Variants in PLCB4 observed in about 807,000 individuals in gnomAD.
The protein encoded by PLCB4 is 1-phosphatidylinositol 4,5-bisphosphate phosphodiesterase beta-4.
PLCB4 carries 77 observed loss-of-function variants against 178.8 expected under a neutral mutation model. The observed-to-expected ratio is 0.43, with a 90% confidence interval of 0.36 to 0.52. The LOEUF is 0.52. PLCB4 is among the 20% of genes least tolerant of loss of function. PLCB4 has a pLI of 0.00. For missense variants in PLCB4, 1,024 were observed against 1,453.4 expected, an observed-to-expected ratio of 0.70 and a Z score of 4.80; for synonymous variants, 496 against 490.8, an observed-to-expected ratio of 1.01 and a Z score of -0.14.
chr20:9,333,653 A>G (rs1358838200), intron 4 of PLCB4, among the ~76,000 whole-genome samples: 2 of 152,184 alleles, frequency 1.3e-5, no homozygotes, highest in Admixed American at 6.6e-5. Context: ...TAAAGAATCA[A>G]TCTGGCTCCT....
At chr20:9,149,968 A>G (rs1212153508) in intron 2 of PLCB4, among the ~76,000 whole-genome samples, 1 of 152,156 alleles carries the variant, frequency 6.6e-6, no homozygotes, top group East Asian at 1.9e-4. Context: ...TTATTCACTG[A>G]TGTTGACCAT....
At chr20:9,136,392 C>T (rs1050032395) in intron 2 of PLCB4, among the ~76,000 whole-genome samples, 4 of 152,046 alleles carry the variant, frequency 2.6e-5, no homozygotes, top group African/African-American at 9.7e-5. Context: ...CTCCTCTGTG[C>T]TGGGGCCCTT....
intron 25 of PLCB4, among the ~76,000 whole-genome samples, chr20:9,414,412 C>T (rs532270167): frequency 3.3e-5 from 5 of 152,298 alleles, no homozygotes; most frequent in South Asian, 2.1e-4. Context: ...CACTGGTGCT[C>T]GGGCACTGCA....
At chr20:9,231,460 T>A (rs2093931264) in intron 3 of PLCB4, among the ~76,000 whole-genome samples, 1 of 152,146 alleles carries the variant, frequency 6.6e-6, no homozygotes, top group Non-Finnish European at 1.5e-5. Flanking sequence ...CTTCTTGCTG[T>A]ATTCACTAGT....
At chr20:9,200,127 T>G (rs2093524402) in intron 2 of PLCB4, among the ~76,000 whole-genome samples, 1 of 149,906 alleles carries the variant, frequency 6.7e-6, no homozygotes, top group Admixed American at 6.7e-5. Flanking sequence ...TTTTTCACTC[T>G]TGACTCTCAA....
rs528956980 is a variant in PLCB4 at position 9,266,585 on chromosome 20, A to T, written c.-15-41215A>T. Among the ~76,000 whole-genome samples the T allele has an allele frequency of 6.6e-5, 10 of 152,298 alleles. No homozygotes were observed. In the South Asian group the frequency reaches 1.9e-3, roughly 28 times the overall value. ...GGGCTTTTAAGCCTTTTTAAAAAACATTCCTTATGGAAAAAAATTGCTTAA... is the reference window on the plus strand; with the variant it reads ...GGGCTTTTAAGCCTTTTTAAAAAACTTTCCTTATGGAAAAAAATTGCTTAA... On this transcript the variant is annotated intron_variant, in intron 3 of 39. Coordinates refer to ENST00000378473, the MANE Select transcript of PLCB4 (RefSeq NM_001377142.1).
chr20:9,404,323 G>C (rs911044037), intron 20 of PLCB4, among the ~76,000 whole-genome samples: 2 of 152,104 alleles, frequency 1.3e-5, no homozygotes, highest in Non-Finnish European at 2.9e-5. Context: ...GAAGAGGGGA[G>C]AGTATTTGTC....
At chr20:9,469,335 A>C (rs1295479047) in intron 36 of PLCB4, among the ~76,000 whole-genome samples, 1 of 152,198 alleles carries the variant, frequency 6.6e-6, no homozygotes, top group Non-Finnish European at 1.5e-5. Context: ...GTCATTCTGC[A>C]AGCCTCTCCC....
chr20:9,389,521 C>A (rs906059750), intron 15 of PLCB4, among the ~76,000 whole-genome samples: 8 of 152,286 alleles, frequency 5.3e-5, no homozygotes, highest in African/African-American at 1.9e-4. Context: ...GGAGTGAAAA[C>A]CTCTGTGCCA....
chr20:9,438,929 A>G (rs1487682697), intron 30 of PLCB4, among the ~76,000 whole-genome samples: 1 of 152,236 alleles, frequency 6.6e-6, no homozygotes, highest in Non-Finnish European at 1.5e-5. Flanking sequence ...AAGAGAGTAC[A>G]TGGTAAAACA....
chr20:9,247,263 T>A (rs1161347539), intron 3 of PLCB4, among the ~76,000 whole-genome samples: 1 of 152,156 alleles, frequency 6.6e-6, no homozygotes, highest in Non-Finnish European at 1.5e-5. Flanking sequence ...TTACCTGAAT[T>A]CTGTAGACCG....
chr20:9,375,892 A>G (rs989719504), intron 12 of PLCB4, among the ~76,000 whole-genome samples: 2 of 152,174 alleles, frequency 1.3e-5, no homozygotes, highest in African/African-American at 4.8e-5. Flanking sequence ...GTAGGAAAAC[A>G]TAAATCCCAT....
chr20:9,421,235 T>G (rs772618868), intron 26 of PLCB4, 62 bp from the exon 27 acceptor site: 1 of 1,291,838 alleles, frequency 7.7e-7, no homozygotes, highest in Non-Finnish European at 1.1e-6. Context: ...TTCCTGATTA[T>G]TTTTTGCTAC....
chr20:9,346,891 G>A (rs1340918308), intron 7 of PLCB4, among the ~76,000 whole-genome samples: 1 of 152,176 alleles, frequency 6.6e-6, no homozygotes, highest in Non-Finnish European at 1.5e-5. Flanking sequence ...CTGTGGAGCT[G>A]GTGAAATCAG....
chr20:9,390,067 A>G, intron 16 of PLCB4, 109 bp downstream of exon 16: 1 of 639,880 alleles, frequency 1.6e-6, no homozygotes, highest in Non-Finnish European at 2.8e-6. Flanking sequence ...TGTTTTGTGA[A>G]GTACTAAGTT....
At chr20:9,263,865 A>G (rs1201796356) in intron 3 of PLCB4, among the ~76,000 whole-genome samples, 1 of 152,178 alleles carries the variant, frequency 6.6e-6, no homozygotes, top group Admixed American at 6.5e-5. Context: ...AAGGAAAGAG[A>G]AAAGCAGTAA....
chr20:9,260,947 A>G (rs547205624), intron 3 of PLCB4, among the ~76,000 whole-genome samples: 1 of 152,284 alleles, frequency 6.6e-6, no homozygotes, highest in South Asian at 2.1e-4. Context: ...AAGTTGCATG[A>G]AAGTATTAAA....
intron 9 of PLCB4, among the ~76,000 whole-genome samples, chr20:9,368,007 A>G (rs905649738): frequency 2.6e-5 from 4 of 152,188 alleles, no homozygotes; most frequent in African/African-American, 9.6e-5. Context: ...AGATAACTCT[A>G]TTGGTGAATG....
At chr20:9,345,142 T>C (rs1313461839) in intron 7 of PLCB4, among the ~76,000 whole-genome samples, 1 of 152,146 alleles carries the variant, frequency 6.6e-6, no homozygotes, top group African/African-American at 2.4e-5. Flanking sequence ...TGAGCCGAGA[T>C]TGCACCACTG....
Sources: gnomAD v4.1 joint callset for allele counts (sites outside exome capture counted in the v4.1 genomes callset) on GRCh38, gnomAD v4.1.1 for gene constraint, MANE v1.5 for transcripts, NCBI Gene and HGNC (gene_info 2026-07-23, HGNC 2026-07-21) for gene names.